Variants in DYNC2LI1 observed in about 807,000 individuals in gnomAD.
DYNC2LI1 encodes cytoplasmic dynein 2 light intermediate chain 1.
In DYNC2LI1, 45 loss-of-function variants were observed where a neutral mutation model predicts 51.9. The observed-to-expected ratio is 0.87, with a 90% CI of 0.68 to 1.11. DYNC2LI1 has a LOEUF of 1.11. DYNC2LI1 is among the 50% of genes most tolerant of loss of function. The pLI, the probability that DYNC2LI1 is intolerant of heterozygous loss-of-function variation, is 0.00. For synonymous variants in DYNC2LI1, 130 were observed against 137.8 expected (o/e 0.94, Z 0.40); for missense variants, 490 against 417.4 (o/e 1.17, Z -1.51).
chr2:43,822,723 T>C, the DYNC2LI1 span: 1 of 1,607,346 alleles, frequency 6.2e-7, no homozygotes, highest in Non-Finnish European at 8.5e-7. Flanking sequence ...ACCCTGGAGC[T>C]CTCCCTGCAC....
intron 8 of DYNC2LI1, among the ~76,000 whole-genome samples, chr2:43,798,920 T>A (rs542407457): frequency 6.6e-6 from 1 of 152,060 alleles, no homozygotes; most frequent in Non-Finnish European, 1.5e-5. Context: ...TAGCAGGGTT[T>A]TTTTTTTTTC....
At chr2:43,822,929 A>G in the DYNC2LI1 span, 3 of 1,613,884 alleles carry the variant, frequency 1.9e-6, no homozygotes, top group Non-Finnish European at 2.5e-6. Flanking sequence ...AGCTCGCAGC[A>G]CGGGAACTGG....
At chr2:43,827,521 C>G in the DYNC2LI1 span, among the ~76,000 whole-genome samples, 1 of 152,096 alleles carries the variant, frequency 6.6e-6, no homozygotes, top group Non-Finnish European at 1.5e-5. Flanking sequence ...CCAAACCTGG[C>G]AGAGGACTGA....
chr2:43,797,084 G>A lies in DYNC2LI1; in HGVS notation c.654+289G>A, dbSNP rs537730294. On this transcript the variant is annotated intron_variant, in intron 8 of 12. Transcript: ENST00000260605. ...TTGATGATCTATTTATTCATTTTTG[G>A]TATCCCCTTAAGAATTAGAATCTAT... Among the ~76,000 whole-genome samples, 100 of 152,136 alleles carry A rather than the reference G, an allele frequency of 6.6e-4. No individual in the cohort carries two copies. The South Asian group carries it at 0.02, about 30-fold the overall frequency.
At chr2:43,801,566 T>TG (rs1666078176) in intron 9 of DYNC2LI1, 73 bp from the exon 10 acceptor site, 1 of 1,079,678 alleles carries the variant, frequency 9.3e-7, no homozygotes, top group African/African-American at 1.6e-5. Context: ...AATATTGCTG[T>TG]CATATTTACA....
chr2:43,792,634 C>G, intron 5 of DYNC2LI1: 1 of 1,516,238 alleles, frequency 6.6e-7, no homozygotes, highest in Non-Finnish European at 8.8e-7. Flanking sequence ...AACTGAAACT[C>G]TTTACCTATT....
intron 12 of DYNC2LI1, among the ~76,000 whole-genome samples, chr2:43,806,162 A>G (rs991638228): frequency 2.3e-4 from 35 of 152,312 alleles, no homozygotes; most frequent in African/African-American, 8.2e-4. Context: ...GATTACAGGC[A>G]TGAGCCAGTG....
chr2:43,813,708 CGTTTTTTTTTTT>C (rs1666622752), downstream of DYNC2LI1, among the ~76,000 whole-genome samples: 1 of 35,374 alleles, frequency 2.8e-5, no homozygotes, highest in Non-Finnish European at 5.7e-5. Context: ...TTTTTTTTTT[CGTTTTTTTTTTT>C]TTTTTTTTTT....
chr2:43,801,775 GT>G lies in DYNC2LI1; in HGVS notation c.802+68del, dbSNP rs150318429. The G allele has an allele frequency of 5.3e-4, 645 of 1,228,182 alleles. 2 individuals carry two copies. The African/African-American group carries it at 8.8e-3, about 17-fold the overall frequency. The allele number at this position is 1,228,182 out of a possible 1,614,324, so 76.1% of individuals were successfully genotyped here. On this transcript the variant is annotated intron_variant, in intron 10 of 12. Transcript: ENST00000260605. ...GCTTATTGATTTTGTCCTACTCCATGTTCACTTTGTCTCCAACATACTCCTA... is the reference window on the plus strand; with the variant it reads ...GCTTATTGATTTTGTCCTACTCCATGTCACTTTGTCTCCAACATACTCCTA...
intron 2 of DYNC2LI1, among the ~76,000 whole-genome samples, chr2:43,782,547 T>TAA (rs779034508): frequency 3.9e-5 from 5 of 127,404 alleles, no homozygotes; most frequent in East Asian, 2.2e-4. Context: ...GTCTTTTCTT[T>TAA]AAAAAAAAAA....
At chr2:43,826,304 G>C in the DYNC2LI1 span, 5 of 1,605,094 alleles carry the variant, frequency 3.1e-6, no homozygotes, top group South Asian at 4.4e-5. Flanking sequence ...CTGGCCACTG[G>C]TACAAATCTT....
At chr2:43,785,012 A>C (rs933699218) in intron 3 of DYNC2LI1, among the ~76,000 whole-genome samples, 1 of 152,150 alleles carries the variant, frequency 6.6e-6, no homozygotes, top group African/African-American at 2.4e-5. Flanking sequence ...AAGGATAGAT[A>C]TGGGACCGGG....
the DYNC2LI1 span, chr2:43,826,662 C>A: frequency 7.5e-7 from 1 of 1,336,298 alleles, no homozygotes. Flanking sequence ...TGTAAACTGG[C>A]TTTCAGCCTG....
chr2:43,823,780 G>C, the DYNC2LI1 span: 12 of 1,038,000 alleles, frequency 1.2e-5, no homozygotes, highest in Non-Finnish European at 1.7e-5. Context: ...CCTTTCCCCA[G>C]AGAGGGAACC....
Position 43,785,711 on chromosome 2 carries a change from T to TAAATAAAATA in DYNC2LI1, c.162-1459_162-1450dup, listed in dbSNP as rs142581763. Among the ~76,000 whole-genome samples the TAAATAAAATA allele has an allele frequency of 2.0e-3, 299 of 150,098 alleles. 3 individuals are homozygous for TAAATAAAATA. The highest frequency in any genetic ancestry group is 3.5e-3 in the Middle Eastern group (1 of 282). On this transcript the variant is annotated intron_variant, in intron 3 of 12. Transcript: ENST00000260605. The stretch of plus-strand genomic sequence containing the variant: ...ATTGTGCCACTGCAAAAAAAATAAA[T>TAAATAAAATA]AAATAAAATAAAATAAAATATATAT...
chr2:43,776,905 GCTTT>G lies in DYNC2LI1; in HGVS notation c.126+11_126+14del, dbSNP rs1247335352. On this transcript the variant is annotated splice_region_variant and intron_variant, in intron 2 of 12. Transcript: ENST00000260605. Reference sequence around the variant, plus strand: ...TCATTGGCAGTAAAAATGGGGTAATGCTTTCTTTTTTTCAATTATTGTGATGATT... The same window carrying G: ...TCATTGGCAGTAAAAATGGGGTAATGCTTTTTTTCAATTATTGTGATGATT... 7.2e-7 allele frequency: 1 copy of G among 1,386,404 alleles called. No individual in the cohort carries two copies. 85.9% of individuals were successfully genotyped at this position (1,386,404 alleles called of 1,614,324 possible).
At chr2:43,823,981 C>T in the DYNC2LI1 span, 41 of 1,614,064 alleles carry the variant, frequency 2.5e-5, no homozygotes, top group East Asian at 3.1e-4. Flanking sequence ...GAGACCTACG[C>T]GGTCCTGGAT....
chr2:43,822,734 G>C, the DYNC2LI1 span: 8 of 1,611,664 alleles, frequency 5.0e-6, 1 homozygote, highest in South Asian at 8.8e-5. Flanking sequence ...CTCCCTGCAC[G>C]AGTCCCACTA....
At position 43,804,752 on chromosome 2, in the gene DYNC2LI1, A is replaced by G. The variant is rs1666186165; in HGVS notation, c.900+13A>G. The G allele has an allele frequency of 6.4e-7, 1 of 1,564,096 alleles. No homozygotes were observed. The highest frequency in any genetic ancestry group is 1.4e-5 in the African/African-American group (1 of 72,844). On this transcript the variant is annotated intron_variant, in intron 11 of 12. Coordinates refer to ENST00000260605, the MANE Select transcript of DYNC2LI1 (RefSeq NM_016008.4). The stretch of plus-strand genomic sequence containing the variant: ...CTTTCCACCAAAGGTACATATTTCT[A>G]ATTTTTTTAAAAGCAAGACTTTTAG...
Sources: gnomAD v4.1 joint callset for allele counts (sites outside exome capture counted in the v4.1 genomes callset) on GRCh38, gnomAD v4.1.1 for gene constraint, MANE v1.5 for transcripts, NCBI Gene and HGNC (gene_info 2026-07-23, HGNC 2026-07-21) for gene names.